Variants in MALRD1 observed in about 807,000 individuals in gnomAD.
The protein encoded by MALRD1 is MAM and LDL-receptor class A domain-containing protein 1.
Under a neutral mutation model 242.1 loss-of-function variants are expected in MALRD1, and 247 were observed. The observed-to-expected ratio is 1.02, with a 90% CI of 0.92 to 1.13. MALRD1 has a LOEUF of 1.13. Among genes scored for constraint, MALRD1 ranks in the 50% most tolerant of loss-of-function variants. The probability of loss-of-function intolerance (pLI) is 0.00; values close to 1 mark genes in which losing one functional copy is unlikely to be tolerated. For synonymous variants in MALRD1, 995 were observed against 866.6 expected (o/e 1.15, Z -2.60); for missense variants, 2,989 against 2,533.1 (o/e 1.18, Z -3.86).
At chr10:19,229,023 T>C (rs6481801) in intron 18 of MALRD1, among the ~76,000 whole-genome samples, 33,973 of 151,820 alleles carry the variant, frequency 0.22, 4,279 homozygotes, top group East Asian at 0.35. Context: ...ATTTGAAGAA[T>C]TGAAAAAATT....
intron 36 of MALRD1, among the ~76,000 whole-genome samples, chr10:19,671,428 A>G (rs867831823): frequency 5.1e-4 from 78 of 152,216 alleles, no homozygotes; most frequent in African/African-American, 1.8e-3. Context: ...GACCAGCCCG[A>G]CCAACATGGC....
intron 1 of MALRD1, among the ~76,000 whole-genome samples, chr10:19,065,716 A>C (rs932530029): frequency 1.3e-5 from 2 of 152,226 alleles, no homozygotes; most frequent in Admixed American, 6.5e-5. Context: ...CATGTGCTCC[A>C]GGTCTTCTGT....
chr10:19,638,742 C>T (rs1267719077), intron 36 of MALRD1, among the ~76,000 whole-genome samples: 4 of 152,072 alleles, frequency 2.6e-5, no homozygotes, highest in Admixed American at 2.6e-4. Flanking sequence ...CCCTCAGATT[C>T]CAGTGAGGTC....
At chr10:19,201,884 C>T (rs1211362856) in intron 14 of MALRD1, among the ~76,000 whole-genome samples, 1 of 152,068 alleles carries the variant, frequency 6.6e-6, no homozygotes, top group Admixed American at 6.6e-5. Flanking sequence ...GGCAGGATCT[C>T]AGCTCACTGC....
intron 32 of MALRD1, among the ~76,000 whole-genome samples, chr10:19,536,573 C>T (rs1834684977): frequency 6.6e-6 from 1 of 151,922 alleles, no homozygotes; most frequent in African/African-American, 2.4e-5. Flanking sequence ...CTATATTAAA[C>T]TTCCTTTATT....
At chr10:19,583,953 G>C (rs1450971852) in intron 33 of MALRD1, among the ~76,000 whole-genome samples, 1 of 152,130 alleles carries the variant, frequency 6.6e-6, no homozygotes, top group Non-Finnish European at 1.5e-5. Context: ...TTAGTCTTGG[G>C]AGAGTGTGTG....
rs183132364 is a variant in MALRD1, at chr10:19,053,483, G to A, written c.199+4346G>A. Among the ~76,000 whole-genome samples the A allele has an allele frequency of 1.9e-3, 295 of 152,234 alleles. 1 individual carries two copies. Among genetic ancestry groups the A allele is most frequent in the South Asian group, 0.018 (85 of 4,816 alleles). On this transcript the variant is annotated intron_variant, in intron 1 of 39. Transcript: ENST00000454679. ...TGGACAGCAGATCCCCGAAATTGGC[G>A]GGCTTGACCTCCTGGCAAATTGCTT... is the stretch of plus-strand genomic sequence containing the variant.
chr10:19,578,768 A>G (rs1479359229), intron 33 of MALRD1, among the ~76,000 whole-genome samples: 2 of 151,940 alleles, frequency 1.3e-5, no homozygotes, highest in Non-Finnish European at 2.9e-5. Context: ...CAAAATATCA[A>G]AACCTTGTGT....
In MALRD1 at chr10:19,389,476, C is replaced by A. The variant is rs1342690536; in HGVS notation, c.4712C>A (p.Thr1571Asn). ...ENGHFMYLEA[T>N]AVGLRGDKAH... ...GGGCACTTCATGTATCTGGAAGCTACTGCAGTGGGCCTTCGGGGTGACAAA... is the reference window on the plus strand; with the variant it reads ...GGGCACTTCATGTATCTGGAAGCTAATGCAGTGGGCCTTCGGGGTGACAAA... The change falls in exon 28 of 40, where the codon ACT (threonine) becomes AAT (asparagine). Residue 1571 changes from threonine (T) to asparagine (N), a missense_variant. Transcript: ENST00000454679. 1.9e-6 allele frequency: 3 copies of A among 1,550,440 alleles called. No individual in the cohort carries two copies. Among genetic ancestry groups the A allele is most frequent in the African/African-American group, 2.7e-5 (2 of 73,046 alleles).
Position 19,079,665 on chromosome 10 carries a change from C to T in MALRD1, c.341-8175C>T, listed in dbSNP as rs149619377. ...CACATATTTCAGGGCTCTGTTTTTA[C>T]GTGCAGAGATGTTTATAGTTTTTAT... On this transcript the variant is annotated intron_variant, in intron 2 of 39. Coordinates refer to ENST00000454679, the MANE Select transcript of MALRD1 (RefSeq NM_001142308.3). 3.9e-3 allele frequency among the ~76,000 whole-genome samples: 600 copies of T among 152,008 alleles called. 5 individuals carry two copies. The highest frequency in any genetic ancestry group is 0.014 in the African/African-American group (574 of 41,520).
intron 18 of MALRD1, among the ~76,000 whole-genome samples, chr10:19,238,150 CATA>C (rs1479330692): frequency 4.6e-4 from 6 of 13,174 alleles, no homozygotes; most frequent in Non-Finnish European, 6.5e-4. Flanking sequence ...ATATAATATA[CATA>C]ATAATACATA....
At chr10:19,653,034 A>G (rs996359202) in intron 36 of MALRD1, among the ~76,000 whole-genome samples, 10 of 152,130 alleles carry the variant, frequency 6.6e-5, no homozygotes, top group African/African-American at 9.7e-5. Context: ...AAAACCTTCT[A>G]ATGTATCTGC....
chr10:19,371,490 T>G (rs112328700), intron 26 of MALRD1, among the ~76,000 whole-genome samples: 1 of 140,086 alleles, frequency 7.1e-6, no homozygotes, highest in Admixed American at 6.9e-5. Context: ...TTGTTTTGTT[T>G]TGTTTTTTGT....
intron 18 of MALRD1, among the ~76,000 whole-genome samples, chr10:19,233,234 G>T (rs1337107543): frequency 6.6e-6 from 1 of 152,132 alleles, no homozygotes; most frequent in African/African-American, 2.4e-5. Flanking sequence ...GGGCGCGGTG[G>T]CTCACGCCTG....
At chr10:19,121,013 G>T (rs1042196882) in intron 5 of MALRD1, among the ~76,000 whole-genome samples, 3 of 150,176 alleles carry the variant, frequency 2.0e-5, no homozygotes, top group Non-Finnish European at 4.4e-5. Flanking sequence ...CAAAATGCTG[G>T]GATTACAGGC....
intron 19 of MALRD1, 63 bp downstream of exon 19, chr10:19,257,834 G>A: frequency 1.8e-6 from 2 of 1,111,062 alleles, no homozygotes; most frequent in East Asian, 5.6e-5. Flanking sequence ...AACTTGCAAG[G>A]AAATCAATAT....
rs1378324548 is a variant in MALRD1 at position 19,133,937 on chromosome 10, A to G, written c.1192A>G (p.Lys398Glu). The G allele has an allele frequency of 1.6e-6, 2 of 1,227,288 alleles. No individual in the cohort carries two copies. Among genetic ancestry groups the G allele is most frequent in the Non-Finnish European group, 2.0e-6 (2 of 984,176 alleles). The allele number at this position is 1,227,288 out of a possible 1,614,324, so 76.0% of individuals were successfully genotyped here. The change falls in exon 9 of 40, where the codon AAG (lysine) becomes GAG (glutamate). Residue 398 changes from lysine (K) to glutamate (E), a missense_variant. Transcript: ENST00000454679. ...AGATGTGTTAATACCAGAAGATCTG[A>G]AGACATTTAAGGTATGAAAGAAAAA... ...KADVLIPEDLKTFKIIFEGTL... is the reference protein window; with the variant it reads ...KADVLIPEDLETFKIIFEGTL...
At position 19,218,489 on chromosome 10, in the gene MALRD1, G is replaced by A. The variant is rs16918363; in HGVS notation, c.2991+8809G>A. Among the ~76,000 whole-genome samples the A allele has an allele frequency of 8.4e-3, 1,278 of 152,226 alleles. 13 individuals carry two copies. Among genetic ancestry groups the A allele is most frequent in the African/African-American group, 0.029 (1,209 of 41,558 alleles). On this transcript the variant is annotated intron_variant, in intron 18 of 39. Transcript: ENST00000454679. ...ACTTGCACTTAAGTCCTTCTGAGCA[G>A]TTGATGTTAATATTTATGTGGTTAA...
intron 28 of MALRD1, among the ~76,000 whole-genome samples, chr10:19,414,502 A>G (rs949496483): frequency 3.3e-5 from 5 of 152,214 alleles, no homozygotes; most frequent in African/African-American, 1.2e-4. Context: ...GAAGAAAATG[A>G]TGAATTGGTT....
Sources: allele counts gnomAD v4.1 joint callset (sites outside exome capture counted in the v4.1 genomes callset), GRCh38; gene constraint gnomAD v4.1.1; transcripts MANE v1.5; gene names NCBI Gene and HGNC (gene_info 2026-07-23, HGNC 2026-07-21).